MAGI2: variants seen among roughly 807,000 people sequenced by gnomAD.
MAGI2 encodes the protein membrane associated guanylate kinase, WW and PDZ domain containing 2.
MAGI2 carries 35 observed loss-of-function variants against 133.3 expected under a neutral mutation model. That is an observed-to-expected ratio of 0.26 (90% CI 0.20 to 0.35). The LOEUF is 0.35. Among genes scored for constraint, MAGI2 ranks in the 10% least tolerant of loss-of-function variants. The pLI is 1.00. For missense variants in MAGI2, 1,636 were observed against 1,863.4 expected (o/e 0.88, Z 2.25); for synonymous variants, 729 against 710.6 (o/e 1.03, Z -0.41).
At chr7:79,310,467 T>C (rs1436668590) in intron 1 of MAGI2, among the ~76,000 whole-genome samples, 1 of 152,172 alleles carries the variant, frequency 6.6e-6, no homozygotes, top group Admixed American at 6.5e-5. Flanking sequence ...ATGCCTGGGA[T>C]CCAGAGATCT....
At chr7:78,580,335 G>A (rs2150807064) in intron 3 of MAGI2, among the ~76,000 whole-genome samples, 1 of 152,294 alleles carries the variant, frequency 6.6e-6, no homozygotes, top group Admixed American at 6.5e-5. Context: ...CTGGCCCTCT[G>A]TGCTACAGTT....
At chr7:79,339,464 G>GTTTTTTTTTTTTTTTTTTTT (rs71095397) in intron 1 of MAGI2, among the ~76,000 whole-genome samples, 1 of 134,548 alleles carries the variant, frequency 7.4e-6, no homozygotes, top group Non-Finnish European at 1.6e-5. Flanking sequence ...TTTTGTTTTT[G>GTTTTTTTTTTTTTTTTTTTT]TTTTTTTTTT....
chr7:78,616,157 C>T (rs547729017), intron 3 of MAGI2: 1 of 152,276 alleles, frequency 6.6e-6, no homozygotes, highest in African/African-American at 2.4e-5. Flanking sequence ...CTTTACATTT[C>T]TTTAATGAGA....
intron 10 of MAGI2, chr7:78,252,150 A>G (rs1291050020): frequency 2.0e-5 from 3 of 151,976 alleles, no homozygotes; most frequent in Non-Finnish European, 2.9e-5. Flanking sequence ...AAAAAAAAAA[A>G]AAAAAAAAGG....
chr7:79,380,173 T>C (rs1240839662), intron 1 of MAGI2, among the ~76,000 whole-genome samples: 1 of 151,828 alleles, frequency 6.6e-6, no homozygotes, highest in African/African-American at 2.4e-5. Flanking sequence ...AAAGAGCTTC[T>C]GCACAGCAAA....
At chr7:78,114,443 T>G (rs756088803) in intron 20 of MAGI2, among the ~76,000 whole-genome samples, 1 of 152,224 alleles carries the variant, frequency 6.6e-6, no homozygotes, top group African/African-American at 2.4e-5. Context: ...ATGCTTTGTT[T>G]CTCTGAACTC....
At chr7:78,184,218 T>G (rs375707076) in intron 13 of MAGI2, among the ~76,000 whole-genome samples, 3 of 152,202 alleles carry the variant, frequency 2.0e-5, no homozygotes, top group Admixed American at 6.5e-5. Context: ...ATTTTGCAAC[T>G]GTAATTACTA....
intron 9 of MAGI2, among the ~76,000 whole-genome samples, chr7:78,265,772 C>G (rs1793938118): frequency 6.6e-6 from 1 of 152,212 alleles, no homozygotes; most frequent in African/African-American, 2.4e-5. Context: ...TGCTTATTTT[C>G]AAACAGCTGT....
intron 2 of MAGI2, among the ~76,000 whole-genome samples, chr7:78,925,182 C>T (rs2151643538): frequency 6.6e-6 from 1 of 152,102 alleles, no homozygotes. Context: ...GGGAAAGCGA[C>T]CTTGAGTTTG....
At chr7:78,588,289 T>G (rs1803628418) in intron 3 of MAGI2, among the ~76,000 whole-genome samples, 1 of 152,166 alleles carries the variant, frequency 6.6e-6, no homozygotes, top group South Asian at 2.1e-4. Flanking sequence ...CAGAAAAATT[T>G]AATGTTTACC....
intron 2 of MAGI2, among the ~76,000 whole-genome samples, chr7:78,962,612 G>A (rs1472812320): frequency 6.8e-6 from 1 of 146,366 alleles, no homozygotes; most frequent in African/African-American, 2.6e-5. Flanking sequence ...CTGGAAAATT[G>A]TAGAAAAAAA....
chr7:78,488,472 A>G (rs1437767840), intron 6 of MAGI2, among the ~76,000 whole-genome samples: 1 of 152,054 alleles, frequency 6.6e-6, no homozygotes, highest in Admixed American at 6.6e-5. Flanking sequence ...AGGTTTTACA[A>G]CTGTGGCATA....
chr7:78,804,644 G>T (rs1788365851), intron 2 of MAGI2, among the ~76,000 whole-genome samples: 1 of 151,664 alleles, frequency 6.6e-6, no homozygotes. Flanking sequence ...AGCTACTCGG[G>T]AGGCTGAGGC....
At position 79,228,363 on chromosome 7, in the gene MAGI2, A is replaced by C. The variant is rs189035496; in HGVS notation, c.302-221157T>G. ...GTCTCAAAAAAACAGGCAAAAAAAA[A>C]AAAAAAAGATCGTGGGATTGTCTTG... On this transcript the variant is annotated intron_variant, in intron 1 of 21. Transcript: ENST00000354212. Among the ~76,000 whole-genome samples the C allele has an allele frequency of 3.4e-5, 5 of 146,914 alleles. No homozygotes were observed. The East Asian group carries it at 9.9e-4, about 29-fold the overall frequency.
rs1821073999 is a variant in MAGI2 at position 78,127,207 on chromosome 7, C to T, written c.3413G>A (p.Arg1138Lys). The T allele has an allele frequency of 6.3e-7, 1 of 1,581,818 alleles. No homozygotes were observed. The highest frequency in any genetic ancestry group is 1.2e-5 in the South Asian group (1 of 85,576). Reference sequence around the variant, plus strand: ...TCCGGGAGGAGGTACCTGGGGTTGTCTGTAGTCCGACAGAGGGTACTGCCT... The same window carrying T: ...TCCGGGAGGAGGTACCTGGGGTTGTTTGTAGTCCGACAGAGGGTACTGCCT... ...DTRQYPLSDY[R>K]QPQDFDYFTV... Residue 1138 changes from arginine (R) to lysine (K), a missense_variant, in exon 19 of 22, where the codon AGA becomes AAA. This residue lies in a region of MAGI2 where 920 missense variants were observed against 1,093.5 expected (regional missense o/e 0.84). Coordinates refer to ENST00000354212, the MANE Select transcript of MAGI2 (RefSeq NM_012301.4).
At chr7:78,450,718 G>C (rs1788638336) in intron 6 of MAGI2, among the ~76,000 whole-genome samples, 1 of 152,018 alleles carries the variant, frequency 6.6e-6, no homozygotes. Flanking sequence ...CTCAGAATTG[G>C]AAGGAGAGTA....
chr7:78,521,425 C>T lies in MAGI2; in HGVS notation c.754+5G>A. ...ATGAAGCCATAAAAAATGTAAATGA[C>T]TAACCTGGTGTTACTACTACTCCAT... is the stretch of plus-strand genomic sequence containing the variant. On this transcript the variant is annotated splice_donor_5th_base_variant and intron_variant, in intron 4 of 21. Transcript: ENST00000354212. 6.2e-7 allele frequency: 1 copy of T among 1,611,458 alleles called. No individual in the cohort carries two copies. The highest frequency in any genetic ancestry group is 8.5e-7 in the Non-Finnish European group (1 of 1,178,368).
chr7:78,912,752 T>TATATATATATCATTC (rs1448602231), intron 2 of MAGI2, among the ~76,000 whole-genome samples: 1 of 147,956 alleles, frequency 6.8e-6, no homozygotes, highest in East Asian at 2.0e-4. Flanking sequence ...ATCATTCATA[T>TATATATATATCATTC]ATATATATAT....
chr7:79,008,394 G>T (rs566823194), intron 1 of MAGI2, among the ~76,000 whole-genome samples: 1 of 152,202 alleles, frequency 6.6e-6, no homozygotes, highest in African/African-American at 2.4e-5. Context: ...CATTTCTAAA[G>T]TTTTCAAAAT....
Sources: allele counts gnomAD v4.1 joint callset (sites outside exome capture counted in the v4.1 genomes callset), GRCh38; gene constraint gnomAD v4.1.1; regional missense constraint gnomAD v4.1.1; transcripts MANE v1.5; gene names NCBI Gene and HGNC (gene_info 2026-07-23, HGNC 2026-07-21).